ATP4A: variants seen among roughly 807,000 people sequenced by gnomAD.
The protein encoded by ATP4A is potassium-transporting ATPase alpha chain 1.
Under a neutral mutation model 112.1 loss-of-function variants are expected in ATP4A, and 73 were observed. The observed-to-expected ratio is 0.65, with a 90% confidence interval of 0.54 to 0.79. The LOEUF (loss-of-function observed/expected upper bound fraction) is 0.79. Among genes scored for constraint, ATP4A ranks in the 30% least tolerant of loss-of-function variants. ATP4A has a pLI of 0.00. For missense variants in ATP4A, 1,081 were observed against 1,425.9 expected, an observed-to-expected ratio of 0.76 and a Z score of 3.90; for synonymous variants, 588 against 588.9, an observed-to-expected ratio of 1.00 and a Z score of 0.02.
chr19:35,551,529 T>C lies in ATP4A; in HGVS notation c.2803A>G (p.Ile935Val), dbSNP rs759564682. Residue 935 changes from isoleucine to valine, a missense_variant, in exon 19 of 22, where the codon ATC becomes GTC. Coordinates refer to ENST00000262623, the MANE Select transcript of ATP4A (RefSeq NM_000704.3). The surrounding 1 kb of genome is among the most constrained non-coding windows in gnomAD (Gnocchi z 5.2). ...QQYTCYTVFF[I>V]SIEVCQIADV... ...GCGATCTGGCACACCTCAATGCTGA[T>C]GAAGAACACGGTGTAGCAGGTGTAC... is the stretch of plus-strand genomic sequence containing the variant. 38 of 1,614,008 alleles carry C rather than the reference T, an allele frequency of 2.4e-5. No homozygotes were observed. Among genetic ancestry groups the C allele is most frequent in the Non-Finnish European group, 3.2e-5 (38 of 1,179,978 alleles).
In ATP4A at chr19:35,553,196, A is replaced by G; in HGVS notation, c.2606-14T>C. On this transcript the variant is annotated splice_polypyrimidine_tract_variant and intron_variant, in intron 17 of 21. Coordinates refer to ENST00000262623, the MANE Select transcript of ATP4A (RefSeq NM_000704.3). ...ACTGAATGGCACCTGGAGAGAGACA[A>G]GGGGACACAGGGAGACAGAGATGGA... The G allele has an allele frequency of 6.3e-7, 1 of 1,585,388 alleles. No homozygotes were observed.
chr19:35,558,007 T>C lies in ATP4A; in HGVS notation c.1501-160A>G, dbSNP rs2071642573. 1 of 654,122 alleles carries C rather than the reference T, an allele frequency of 1.5e-6. No homozygotes were observed. Among genetic ancestry groups the C allele is most frequent in the African/African-American group, 1.8e-5 (1 of 54,234 alleles). The allele number at this position is 654,122 out of a possible 1,614,324, so 40.5% of individuals were successfully genotyped here. A position where few individuals can be genotyped will look rare whatever the true frequency, so the allele number is the denominator to read the frequency against. ...GAAGGTGGAAGATGGAGGCCTTGTG[T>C]GGAGGGGTCCTTGGTAGAAGGTAAG... On this transcript the variant is annotated intron_variant, in intron 10 of 21. Transcript: ENST00000262623. The surrounding 1 kb of genome is among the most constrained non-coding windows in gnomAD (Gnocchi z 5.1).
At position 35,562,554 on chromosome 19, in the gene ATP4A, C is replaced by A; in HGVS notation, c.301G>T (p.Val101Phe). 3 of 1,613,030 alleles carry A rather than the reference C, an allele frequency of 1.9e-6. No homozygotes were observed. Among genetic ancestry groups the A allele is most frequent in the Non-Finnish European group, 2.5e-6 (3 of 1,179,640 alleles). Residue 101 changes from valine to phenylalanine, a missense_variant, in exon 4 of 22, where the codon GTC becomes TTC. Coordinates refer to ENST00000262623, the MANE Select transcript of ATP4A (RefSeq NM_000704.3). ...LRPPRGTPEYVKFARQLAGGL... is the reference protein window; with the variant it reads ...LRPPRGTPEYFKFARQLAGGL... ...CCGGCCAGCTGCCTCGCGAACTTGACGTACTCTGGGGTGCCCCGTGGTGGC... is the reference window on the plus strand; with the variant it reads ...CCGGCCAGCTGCCTCGCGAACTTGAAGTACTCTGGGGTGCCCCGTGGTGGC...
intron 4 of ATP4A, among the ~76,000 whole-genome samples, chr19:35,561,641 A>G (rs989743017): frequency 1.3e-5 from 2 of 151,472 alleles, no homozygotes; most frequent in Admixed American, 1.3e-4. Flanking sequence ...TCTCTGCCAT[A>G]TGTCCAATGT....
At chr19:35,562,005 G>A (rs537193200) in intron 4 of ATP4A, among the ~76,000 whole-genome samples, 1 of 151,946 alleles carries the variant, frequency 6.6e-6, no homozygotes, top group Non-Finnish European at 1.5e-5. Flanking sequence ...ACAGGTGCCC[G>A]CCACCATGTC....
rs567520586 is a variant in ATP4A, at chr19:35,553,892, G to A, written c.2482-63C>T. The A allele has an allele frequency of 1.3e-4, 195 of 1,523,454 alleles. 2 individuals carry two copies. Among genetic ancestry groups the A allele is most frequent in the South Asian group, 5.7e-4 (46 of 80,886 alleles). The allele number at this position is 1,523,454 out of a possible 1,614,324, so 94.4% of individuals were successfully genotyped here. On this transcript the variant is annotated intron_variant, in intron 16 of 21. Coordinates refer to ENST00000262623, the MANE Select transcript of ATP4A (RefSeq NM_000704.3). ...GCTGGGCCCTTGTCCCCTCCACTTCGGGTCCCCCTTCCCCCACTTGTGAGC... is the reference window on the plus strand; with the variant it reads ...GCTGGGCCCTTGTCCCCTCCACTTCAGGTCCCCCTTCCCCCACTTGTGAGC...
In ATP4A at chr19:35,551,506, G is replaced by A. The variant is rs556936122; in HGVS notation, c.2826C>T (p.Ile942=). 55 of 1,614,124 alleles carry A rather than the reference G, an allele frequency of 3.4e-5. No individual in the cohort carries two copies. The South Asian group carries it at 5.4e-4, about 16-fold the overall frequency. Residue 942 remains isoleucine (I), a synonymous_variant, in exon 19 of 22, where the codon ATC becomes ATT. Transcript: ENST00000262623. This position sits in a 1 kb window ranked among gnomAD's most constrained non-coding sequence, Gnocchi z 5.2. ...GCGTCTTGCGGATGAGGACATCGGC[G>A]ATCTGGCACACCTCAATGCTGATGA... The part of the protein sequence containing the change: ...VFFISIEVCQ[I]ADVLIRKTRR...
chr19:35,559,940 C>A lies in ATP4A; in HGVS notation c.921G>T (p.Ala307=), dbSNP rs371925816. The A allele has an allele frequency of 1.9e-6, 3 of 1,614,082 alleles. No homozygotes were observed. The African/African-American group carries it at 4.0e-5, about 22-fold the overall frequency. ...IEIEHFVDII[A]GLAILFGATF... is the part of the protein sequence containing the mutation. ...TGGCACCGAAGAGAATGGCCAGGCC[C>A]GCGATGATGTCCACAAAATGCTCGA... The change falls in exon 7 of 22, where the codon GCG becomes GCT. Residue 307 remains alanine, a synonymous_variant. Coordinates refer to ENST00000262623, the MANE Select transcript of ATP4A (RefSeq NM_000704.3). This position sits in a 1 kb window ranked among gnomAD's most constrained non-coding sequence, Gnocchi z 4.1.
rs761379505 is a variant in ATP4A, at chr19:35,559,297, G to C, written c.1057-106C>G. On this transcript the variant is annotated intron_variant, in intron 7 of 21. Transcript: ENST00000262623. This position sits in a 1 kb window ranked among gnomAD's most constrained non-coding sequence, Gnocchi z 4.1. ...CTTTACCCCAGCCGCGGGGCTGCGT[G>C]TGCAACGTGCTTCTGCAAACACCAG... is the stretch of plus-strand genomic sequence containing the variant. 1.6e-5 allele frequency: 19 copies of C among 1,196,430 alleles called. No individual in the cohort carries two copies. The highest frequency in any genetic ancestry group is 2.3e-5 in the Non-Finnish European group (19 of 833,900). 74.1% of individuals were successfully genotyped at this position (1,196,430 alleles called of 1,614,324 possible).
In ATP4A at chr19:35,563,479, C is replaced by G; in HGVS notation, c.61G>C (p.Asp21His). The G allele has an allele frequency of 6.2e-7, 1 of 1,612,556 alleles. No individual in the cohort carries two copies. The highest frequency in any genetic ancestry group is 1.3e-5 in the African/African-American group (1 of 74,968). The change falls in exon 2 of 22, where the codon GAC (aspartate) becomes CAC (histidine). Residue 21 changes from aspartate (D) to histidine (H), a missense_variant. Transcript: ENST00000262623. ...SVELGPGPGG[D>H]MAAKMSKKKK... ...TTCTTGCTCATCTTGGCAGCCATGT[C>G]CCCGCCAGGGCCAGGACCCAGCTCC... is the stretch of plus-strand genomic sequence containing the variant.
chr19:35,556,042 G>GA (rs1471866873), intron 12 of ATP4A, among the ~76,000 whole-genome samples: 1 of 152,144 alleles, frequency 6.6e-6, no homozygotes, highest in African/African-American at 2.4e-5. Flanking sequence ...TTAGAAAGTG[G>GA]AAAAAAACAT....
In ATP4A at chr19:35,555,386, C is replaced by T. The variant is rs568429772; in HGVS notation, c.2158-52G>A. The T allele has an allele frequency of 6.3e-6, 10 of 1,593,330 alleles. No individual in the cohort carries two copies. The highest frequency in any genetic ancestry group is 1.3e-5 in the African/African-American group (1 of 74,752). On this transcript the variant is annotated intron_variant, in intron 14 of 21. Coordinates refer to ENST00000262623, the MANE Select transcript of ATP4A (RefSeq NM_000704.3). This position sits in a 1 kb window ranked among gnomAD's most constrained non-coding sequence, Gnocchi z 6.6. Reference sequence around the variant, plus strand: ...GTGGGTGGTCAGTGAGAGGCCGGTCCAAGACCAGCCCCGCCTGTCTGCCCG... The same window carrying T: ...GTGGGTGGTCAGTGAGAGGCCGGTCTAAGACCAGCCCCGCCTGTCTGCCCG...
intron 17 of ATP4A, 128 bp downstream of exon 17, chr19:35,553,578 G>T: frequency 7.3e-7 from 1 of 1,363,128 alleles, no homozygotes; most frequent in Non-Finnish European, 9.8e-7. Context: ...GGAGGACAAC[G>T]GAGACCCAGG....
rs888345648 is a variant in ATP4A at position 35,557,570 on chromosome 19, T to C, written c.1693+85A>G. The C allele has an allele frequency of 6.9e-7, 1 of 1,456,596 alleles. No individual in the cohort carries two copies. Among genetic ancestry groups the C allele is most frequent in the Non-Finnish European group, 9.2e-7 (1 of 1,085,822 alleles). The allele number at this position is 1,456,596 out of a possible 1,614,324, so 90.2% of individuals were successfully genotyped here. The stretch of plus-strand genomic sequence containing the variant: ...AGCCAGCAGCCAGGGATGAGGACGG[T>C]CAGGGCTGGGCCGGGAGTGGTGGGC... On this transcript the variant is annotated intron_variant, in intron 11 of 21. Coordinates refer to ENST00000262623, the MANE Select transcript of ATP4A (RefSeq NM_000704.3). This position sits in a 1 kb window ranked among gnomAD's most constrained non-coding sequence, Gnocchi z 4.4.
intron 18 of ATP4A, 46 bp downstream of exon 18, chr19:35,552,991 G>A: frequency 1.3e-6 from 2 of 1,543,412 alleles, no homozygotes; most frequent in Non-Finnish European, 1.8e-6. Flanking sequence ...AAGTTGCCCT[G>A]GGAAGGAGGG....
chr19:35,561,462 T>C (rs1431741801), intron 4 of ATP4A, among the ~76,000 whole-genome samples: 1 of 152,042 alleles, frequency 6.6e-6, no homozygotes, highest in Non-Finnish European at 1.5e-5. Context: ...TACGTCATGG[T>C]CTGTGTCCTC....
In ATP4A at chr19:35,558,764, A is replaced by G; in HGVS notation, c.1256-78T>C. ...AACCGAGCCCCCTCCTCCTAGGCTC[A>G]TATCGCGGGCCCCCTCCCCAGACCT... On this transcript the variant is annotated intron_variant, in intron 8 of 21. Coordinates refer to ENST00000262623, the MANE Select transcript of ATP4A (RefSeq NM_000704.3). This position sits in a 1 kb window ranked among gnomAD's most constrained non-coding sequence, Gnocchi z 5.1. 7.0e-7 allele frequency: 1 copy of G among 1,433,598 alleles called. No individual in the cohort carries two copies. The highest frequency in any genetic ancestry group is 9.3e-7 in the Non-Finnish European group (1 of 1,072,816). The allele number at this position is 1,433,598 out of a possible 1,614,324, so 88.8% of individuals were successfully genotyped here.
Position 35,553,319 on chromosome 19 carries a change from CAG to C in ATP4A, c.2606-139_2606-138del, listed in dbSNP as rs1237414518. The C allele has an allele frequency of 2.9e-6, 3 of 1,020,956 alleles. No individual in the cohort carries two copies. The African/African-American group carries it at 4.9e-5, about 17-fold the overall frequency. The allele number at this position is 1,020,956 out of a possible 1,614,324, so 63.2% of individuals were successfully genotyped here. On this transcript the variant is annotated intron_variant, in intron 17 of 21. Transcript: ENST00000262623. ...ACAGACAGGGACACGGGAAGAGAGA[CAG>C]GGACACAGATACACAAGGTCAAGGA...
intron 16 of ATP4A, 67 bp from the exon 17 acceptor site, chr19:35,553,896 C>A: frequency 6.6e-7 from 1 of 1,517,090 alleles, no homozygotes; most frequent in Non-Finnish European, 8.9e-7. Context: ...CACTTCGGGT[C>A]CCCCTTCCCC....
Sources: gnomAD v4.1 joint callset for allele counts (sites outside exome capture counted in the v4.1 genomes callset) on GRCh38, gnomAD v4.1.1 for gene constraint, Gnocchi (gnomAD v3.1) non-coding constraint, MANE v1.5 for transcripts, NCBI Gene and HGNC (gene_info 2026-07-23, HGNC 2026-07-21) for gene names.